The following TBC1D5 variants were observed in gnomAD, a reference collection of about 807,000 sequenced individuals.
TBC1D5 encodes TBC1 domain family, member 5.
Under a neutral mutation model 100.3 loss-of-function variants are expected in TBC1D5, and 75 were observed. The ratio of observed to expected loss-of-function variants is 0.75; its 90% CI spans 0.62 to 0.91. The LOEUF is 0.91. TBC1D5 is among the 40% of genes least tolerant of loss of function. The pLI is 0.00. For synonymous variants in TBC1D5, 323 were observed against 325.6 expected, an observed-to-expected ratio of 0.99 and a Z score of 0.09; for missense variants, 910 against 942.4, an observed-to-expected ratio of 0.97 and a Z score of 0.45.
chr3:17,160,371 GT>G (rs994691374), exon 22 of TBC1D5: 1 of 151,872 alleles, frequency 6.6e-6, no homozygotes, highest in Non-Finnish European at 1.5e-5. Flanking sequence ...CAGTAATGAG[GT>G]TTTTTCTTTT....
intron 15 of TBC1D5, among the ~76,000 whole-genome samples, chr3:17,283,015 T>C (rs1400446497): frequency 3.3e-5 from 5 of 152,346 alleles, no homozygotes; most frequent in African/African-American, 1.2e-4. Flanking sequence ...CCCTGCCTGG[T>C]TGCTTACTTC....
intron 3 of TBC1D5, among the ~76,000 whole-genome samples, chr3:17,487,909 A>C (rs73042836): frequency 6.6e-6 from 1 of 152,300 alleles, no homozygotes; most frequent in Non-Finnish European, 1.5e-5. Context: ...CTACCACACA[A>C]ACACAGTTTC....
At chr3:17,614,659 G>A (rs997896830) in intron 2 of TBC1D5, among the ~76,000 whole-genome samples, 9 of 152,234 alleles carry the variant, frequency 5.9e-5, no homozygotes, top group South Asian at 2.1e-4. Context: ...ATTGTGAATG[G>A]GAGTTCACTC....
At chr3:17,650,919 T>C (rs1171475048) in intron 1 of TBC1D5, among the ~76,000 whole-genome samples, 3 of 152,238 alleles carry the variant, frequency 2.0e-5, no homozygotes, top group Non-Finnish European at 1.5e-5. Context: ...GATTTTATAC[T>C]GCATTGACAT....
chr3:17,495,376 T>G (rs2095693435), intron 3 of TBC1D5, among the ~76,000 whole-genome samples: 2 of 152,244 alleles, frequency 1.3e-5, no homozygotes. Flanking sequence ...TCAATCAAAT[T>G]AGGTAAACAG....
intron 16 of TBC1D5, among the ~76,000 whole-genome samples, chr3:17,248,537 G>C (rs947542437): frequency 2.6e-5 from 4 of 152,068 alleles, no homozygotes; most frequent in African/African-American, 9.7e-5. Context: ...TAAATAATAA[G>C]GCCTGTGAGT....
intron 17 of TBC1D5, among the ~76,000 whole-genome samples, chr3:17,237,934 C>T (rs773935473): frequency 1.3e-5 from 2 of 151,670 alleles, no homozygotes; most frequent in Admixed American, 1.3e-4. Flanking sequence ...TGGGCATCTA[C>T]AGGACAAAGT....
At chr3:17,336,125 T>C (rs544326960) in intron 13 of TBC1D5, among the ~76,000 whole-genome samples, 1 of 152,210 alleles carries the variant, frequency 6.6e-6, no homozygotes, top group East Asian at 1.9e-4. Flanking sequence ...AAAATTTTAT[T>C]AATTTTAGAT....
intron 2 of TBC1D5, among the ~76,000 whole-genome samples, chr3:17,576,816 C>T (rs1330758486): frequency 6.6e-6 from 1 of 151,858 alleles, no homozygotes; most frequent in African/African-American, 2.4e-5. Flanking sequence ...TCCAAAAGTA[C>T]TTTGATTGAT....
At chr3:17,698,786 T>A (rs1162324003) in intron 1 of TBC1D5, among the ~76,000 whole-genome samples, 1 of 147,200 alleles carries the variant, frequency 6.8e-6, no homozygotes, top group African/African-American at 2.5e-5. Flanking sequence ...AAAAGACACA[T>A]GAAAAAATGC....
intron 3 of TBC1D5, among the ~76,000 whole-genome samples, chr3:17,469,705 G>A (rs2095350850): frequency 6.6e-6 from 1 of 152,230 alleles, no homozygotes; most frequent in South Asian, 2.1e-4. Flanking sequence ...AGCCTCACAT[G>A]CTAATTCCCT....
chr3:17,612,299 C>CA (rs111532896), intron 2 of TBC1D5, among the ~76,000 whole-genome samples: 7,249 of 60,716 alleles, frequency 0.12, 373 homozygotes, highest in East Asian at 0.28. Flanking sequence ...GACACCGTCT[C>CA]AAAAAAAAAA....
chr3:17,610,153 G>C (rs987337776), intron 2 of TBC1D5, among the ~76,000 whole-genome samples: 4 of 152,152 alleles, frequency 2.6e-5, no homozygotes, highest in Non-Finnish European at 4.4e-5. Flanking sequence ...AAAGCTGCTA[G>C]CTTCCTAACT....
At position 17,668,408 on chromosome 3, in the gene TBC1D5, T is replaced by C. The variant is rs185436028; in HGVS notation, c.-100-44495A>G. 5.9e-5 allele frequency among the ~76,000 whole-genome samples: 9 copies of C among 152,190 alleles called. No individual in the cohort carries two copies. The East Asian group carries it at 1.7e-3, about 29-fold the overall frequency. On this transcript the variant is annotated intron_variant, in intron 1 of 21. Transcript: ENST00000253692. ...TCTGTGCTATAGCTTATATTTGAAT[T>C]ACTAGTATCCCATAACCTGAAATTA...
Position 17,643,236 on chromosome 3 carries a change from G to A in TBC1D5, c.-100-19323C>T, listed in dbSNP as rs190283108. Among the ~76,000 whole-genome samples, 64 of 152,134 alleles carry A rather than the reference G, an allele frequency of 4.2e-4. No individual in the cohort carries two copies. The East Asian group carries it at 0.012, about 28-fold the overall frequency. Reference sequence around the variant, plus strand: ...TCTAACGTCTTCTCATGATGAAACTGAGCTTATATATTTTTGGCAAGAATA... The same window carrying A: ...TCTAACGTCTTCTCATGATGAAACTAAGCTTATATATTTTTGGCAAGAATA... On this transcript the variant is annotated intron_variant, in intron 1 of 21. Transcript: ENST00000253692.
intron 1 of TBC1D5, among the ~76,000 whole-genome samples, chr3:17,714,361 G>A (rs2153945828): frequency 6.6e-6 from 1 of 152,292 alleles, no homozygotes; most frequent in South Asian, 2.1e-4. Context: ...TAGGAGCATA[G>A]AGGGGAATTT....
intron 13 of TBC1D5, among the ~76,000 whole-genome samples, chr3:17,325,485 A>G (rs974845757): frequency 3.9e-5 from 6 of 152,074 alleles, no homozygotes; most frequent in Admixed American, 3.3e-4. Context: ...CTCCATGCCC[A>G]GCTAAGTTTT....
At chr3:17,182,227 ATCCCTTAATCCCAC>A (rs1306554807) in intron 19 of TBC1D5, among the ~76,000 whole-genome samples, 1 of 152,196 alleles carries the variant, frequency 6.6e-6, no homozygotes, top group African/African-American at 2.4e-5. Flanking sequence ...TCTTGGTAGC[ATCCCTTAATCCCAC>A]TTTAAAAACG....
intron 19 of TBC1D5, among the ~76,000 whole-genome samples, chr3:17,175,703 A>C (rs532557246): frequency 1.3e-5 from 2 of 152,334 alleles, no homozygotes; most frequent in African/African-American, 2.4e-5. Flanking sequence ...ACTGCCTTAA[A>C]ATTACATCAT....
Sources: allele counts gnomAD v4.1 joint callset (sites outside exome capture counted in the v4.1 genomes callset), GRCh38; gene constraint gnomAD v4.1.1; transcripts MANE v1.5; gene names NCBI Gene and HGNC (gene_info 2026-07-23, HGNC 2026-07-21).